The following CFAP91 variants were observed in gnomAD, a reference collection of about 807,000 sequenced individuals.
The protein encoded by CFAP91 is cilia and flagella associated protein 91, also known as cilia- and flagella-associated protein 91.
Under a neutral mutation model 95.9 loss-of-function variants are expected in CFAP91, and 85 were observed. The ratio of observed to expected loss-of-function variants is 0.89; its 90% CI spans 0.74 to 1.06. CFAP91 has a LOEUF of 1.06. Among genes scored for constraint, CFAP91 ranks in the 50% least tolerant of loss-of-function variants. The pLI is 0.00. For synonymous variants in CFAP91, 335 were observed against 327.5 expected, an observed-to-expected ratio of 1.02 and a Z score of -0.25; for missense variants, 962 against 943.4, an observed-to-expected ratio of 1.02 and a Z score of -0.26.
intron 17 of CFAP91, among the ~76,000 whole-genome samples, chr3:119,756,151 A>G (rs1437661197): frequency 1.3e-5 from 2 of 152,170 alleles, no homozygotes; most frequent in East Asian, 3.8e-4. Context: ...GAATACTAAT[A>G]CTGCTGAAAG....
intron 1 of CFAP91, among the ~76,000 whole-genome samples, chr3:119,705,081 TA>T: frequency 6.6e-6 from 1 of 152,334 alleles, no homozygotes; most frequent in Admixed American, 6.5e-5. Context: ...AACACATCTC[TA>T]TGCTTGCTTC....
chr3:119,715,787 A>G (rs1470189778), intron 6 of CFAP91, 44 bp downstream of exon 6: 1 of 1,548,800 alleles, frequency 6.5e-7, no homozygotes, highest in East Asian at 2.2e-5. Context: ...GACGATGCTG[A>G]TAACCACGCA....
At chr3:119,713,049 C>CT (rs1477474585) in intron 5 of CFAP91, 2 of 151,342 alleles carry the variant, frequency 1.3e-5, no homozygotes, top group Non-Finnish European at 2.9e-5. Flanking sequence ...TTCTAACTGG[C>CT]TTGAAATGCT....
At chr3:119,703,276 G>A in intron 1 of CFAP91, 54 bp downstream of exon 1, 3 of 1,595,700 alleles carry the variant, frequency 1.9e-6, no homozygotes, top group Non-Finnish European at 2.6e-6. Context: ...GGCCAGGTGG[G>A]CTCCCAGATG....
At chr3:119,710,093 G>A (rs2053446306) in intron 5 of CFAP91, 198 bp downstream of exon 5, 1 of 547,732 alleles carries the variant, frequency 1.8e-6, no homozygotes, top group Admixed American at 3.5e-5. Flanking sequence ...AAAGCATCAA[G>A]TATATGGAGG....
chr3:119,707,193 C>T (rs753205754), intron 2 of CFAP91: 72 of 526,176 alleles, frequency 1.4e-4, no homozygotes, highest in Non-Finnish European at 2.1e-4. Flanking sequence ...TAAATTCTAG[C>T]CCTATCCCCT....
At chr3:119,730,437 G>T in intron 8 of CFAP91, 60 bp downstream of exon 8, 1 of 1,516,580 alleles carries the variant, frequency 6.6e-7, no homozygotes, top group South Asian at 1.2e-5. Flanking sequence ...TTGGATCTTT[G>T]ACCAAACCTG....
intron 5 of CFAP91, 162 bp downstream of exon 5, chr3:119,710,057 A>C (rs1311905077): frequency 1.7e-6 from 1 of 600,920 alleles, no homozygotes; most frequent in Non-Finnish European, 2.9e-6. Flanking sequence ...AGCATTTTAA[A>C]ACATGAAACA....
At chr3:119,744,952 G>A (rs2054194212) in intron 14 of CFAP91, among the ~76,000 whole-genome samples, 2 of 152,192 alleles carry the variant, frequency 1.3e-5, no homozygotes, top group Non-Finnish European at 2.9e-5. Context: ...AGCTGGGGAT[G>A]AGAATAAGAA....
At chr3:119,727,131 G>C (rs1311017090) in intron 7 of CFAP91, among the ~76,000 whole-genome samples, 2 of 152,222 alleles carry the variant, frequency 1.3e-5, no homozygotes, top group Non-Finnish European at 2.9e-5. Flanking sequence ...CTTTGTGCTA[G>C]GCTGTGCTGA....
At position 119,749,521 on chromosome 3, in the gene CFAP91, TA is replaced by T. The variant is rs973148959; in HGVS notation, c.2144-1405del. ...CCTGAACACAGAATGAGACCCTGTC[TA>T]AAAAAAAAAAGAAAATTTACTAGTT... On this transcript the variant is annotated intron_variant, in intron 16 of 17. Coordinates refer to ENST00000273390, the MANE Select transcript of CFAP91 (RefSeq NM_033364.4). Among the ~76,000 whole-genome samples the T allele has an allele frequency of 4.9e-3, 709 of 143,492 alleles. 4 individuals are homozygous for T. The highest frequency in any genetic ancestry group is 5.7e-3 in the Non-Finnish European group (367 of 64,944). 94.1% of individuals were successfully genotyped at this position (143,492 alleles called of 152,430 possible).
At chr3:119,708,758 C>A in intron 4 of CFAP91, 84 bp downstream of exon 4, 2 of 823,682 alleles carry the variant, frequency 2.4e-6, no homozygotes, top group Non-Finnish European at 3.9e-6. Context: ...TATCATTTTT[C>A]AGTGCATACA....
At chr3:119,763,345 G>T (rs1461053387) in intron 17 of CFAP91, among the ~76,000 whole-genome samples, 1 of 152,046 alleles carries the variant, frequency 6.6e-6, no homozygotes, top group Non-Finnish European at 1.5e-5. Flanking sequence ...GTGAAGAAAA[G>T]AGAACCGTTG....
At chr3:119,730,399 T>C (rs959523740) in intron 8 of CFAP91, 22 bp downstream of exon 8, 19 of 1,600,098 alleles carry the variant, frequency 1.2e-5, no homozygotes, top group Non-Finnish European at 1.6e-5. Context: ...GTATGAACAA[T>C]GAAGACGGTG....
chr3:119,758,783 A>AGAGAG (rs2054480574), intron 17 of CFAP91, among the ~76,000 whole-genome samples: 2 of 152,108 alleles, frequency 1.3e-5, no homozygotes, highest in African/African-American at 4.8e-5. Context: ...AGATAGGGAA[A>AGAGAG]AATCTCATTT....
chr3:119,703,141 C>T lies in CFAP91; in HGVS notation c.43C>T (p.Gln15Ter). 6.3e-7 allele frequency: 1 copy of T among 1,588,794 alleles called. No individual in the cohort carries two copies. Among genetic ancestry groups the T allele is most frequent in the Admixed American group, 1.8e-5 (1 of 56,202 alleles). ...VTIEEPQAQP[Q>*]VSQTRYRERS... ...CATCGAGGAGCCCCAGGCCCAGCCG[C>T]AGGTGTCTCAAACTCGGTACCGGGA... Residue 15 changes from glutamine to a stop codon, truncating the protein, a stop_gained, in exon 1 of 18, where the codon CAG (glutamine) becomes TAG (stop). Transcript: ENST00000273390. LOFTEE classifies it high-confidence loss of function.
chr3:119,722,810 G>T (rs888502982), intron 6 of CFAP91, among the ~76,000 whole-genome samples: 1 of 151,694 alleles, frequency 6.6e-6, no homozygotes, highest in Non-Finnish European at 1.5e-5. Flanking sequence ...TTACATGCAC[G>T]GTAGCAATGA....
At chr3:119,711,726 T>C (rs1330747365) in intron 5 of CFAP91, among the ~76,000 whole-genome samples, 1 of 152,236 alleles carries the variant, frequency 6.6e-6, no homozygotes, top group Non-Finnish European at 1.5e-5. Flanking sequence ...GATGGAATTG[T>C]CTTGGGACCA....
At chr3:119,749,436 A>T (rs1341565504) in intron 16 of CFAP91, among the ~76,000 whole-genome samples, 3 of 152,116 alleles carry the variant, frequency 2.0e-5, no homozygotes, top group South Asian at 2.1e-4. Flanking sequence ...AAGTGGGAGG[A>T]TCACTTGAGT....
Sources: allele counts gnomAD v4.1 joint callset (sites outside exome capture counted in the v4.1 genomes callset), GRCh38; gene constraint gnomAD v4.1.1; transcripts MANE v1.5; gene names NCBI Gene and HGNC (gene_info 2026-07-23, HGNC 2026-07-21).